Variants in CNDP2 observed in about 807,000 individuals in gnomAD.
The protein encoded by CNDP2 is carnosine dipeptidase 2, also known as cytosolic non-specific dipeptidase.
CNDP2 carries 38 observed loss-of-function variants against 55.0 expected under a neutral mutation model. The observed-to-expected ratio is 0.69, with a 90% CI of 0.53 to 0.90. The LOEUF is 0.90. Among genes scored for constraint, CNDP2 ranks in the 40% least tolerant of loss-of-function variants. The pLI is 0.00. For synonymous variants in CNDP2, 241 were observed against 260.2 expected (o/e 0.93, Z 0.71); for missense variants, 607 against 621.7 (o/e 0.98, Z 0.25).
chr18:74,516,396 T>C lies in CNDP2; in HGVS notation c.1068+4T>C. ...TCCTGAAGTCGTCGGCGAGCAGGCA[T>C]GTGGGGCTGGGACACGGGGTGGGGG... is the stretch of plus-strand genomic sequence containing the variant. On this transcript the variant is annotated splice_donor_region_variant and intron_variant, in intron 9 of 11. Coordinates refer to ENST00000324262, the MANE Select transcript of CNDP2 (RefSeq NM_018235.3). 6.2e-7 allele frequency: 1 copy of C among 1,605,562 alleles called. No individual in the cohort carries two copies. Among genetic ancestry groups the C allele is most frequent in the East Asian group, 2.2e-5 (1 of 44,718 alleles).
At position 74,520,178 on chromosome 18, in the gene CNDP2, A is replaced by T; in HGVS notation, c.*110A>T. The T allele has an allele frequency of 9.9e-7, 1 of 1,005,414 alleles. No homozygotes were observed. The highest frequency in any genetic ancestry group is 1.5e-6 in the Non-Finnish European group (1 of 655,574). 62.3% of individuals were successfully genotyped at this position (1,005,414 alleles called of 1,614,324 possible). A position where few individuals can be genotyped will look rare whatever the true frequency, so the allele number is the denominator to read the frequency against. Reference sequence around the variant, plus strand: ...TTCCCTCTTTCCTTTCCCTCTTGTCAGGTCATCCATGACTTTAGAGAACAG... The same window carrying T: ...TTCCCTCTTTCCTTTCCCTCTTGTCTGGTCATCCATGACTTTAGAGAACAG... On this transcript the variant is annotated 3_prime_UTR_variant, in exon 12 of 12. Coordinates refer to ENST00000324262, the MANE Select transcript of CNDP2 (RefSeq NM_018235.3).
intron 6 of CNDP2, 114 bp downstream of exon 6, chr18:74,511,127 G>A: frequency 2.3e-6 from 2 of 886,882 alleles, no homozygotes; most frequent in Admixed American, 5.4e-5. Flanking sequence ...GAGAAGCACA[G>A]GGCTCACTTA....
At chr18:74,508,598 G>A (rs1979163429) in intron 4 of CNDP2, 22 of 464,198 alleles carry the variant, frequency 4.7e-5, no homozygotes, top group South Asian at 4.6e-4. Flanking sequence ...CCTGACCACC[G>A]TGACCACGGT....
At chr18:74,501,172 C>G in intron 2 of CNDP2, 157 bp from the exon 3 acceptor site, 1 of 1,371,682 alleles carries the variant, frequency 7.3e-7, no homozygotes, top group Non-Finnish European at 9.4e-7. Flanking sequence ...AAATCTTTAA[C>G]CCAAAGCACA....
chr18:74,518,736 C>CATGCCGT (rs1979870430), intron 10 of CNDP2, 96 bp downstream of exon 10: 36 of 1,546,910 alleles, frequency 2.3e-5, no homozygotes, highest in Admixed American at 1.5e-4. Flanking sequence ...ATGTCGGGGG[C>CATGCCGT]GCTGCTGTAT....
chr18:74,506,054 A>G, intron 4 of CNDP2, 43 bp downstream of exon 4: 1 of 1,505,806 alleles, frequency 6.6e-7, no homozygotes. Context: ...AAAGGCACTG[A>G]CTTTTGGAAA....
rs1979998628 is a variant in CNDP2, at chr18:74,520,681, C to G, written c.*613C>G. ...TACAAGAAATTTTTTAAAAATGAGC[C>G]AAGTGTGGTGGTGCATGCCTGTAGT... On this transcript the variant is annotated 3_prime_UTR_variant, in exon 12 of 12. Coordinates refer to ENST00000324262, the MANE Select transcript of CNDP2 (RefSeq NM_018235.3). 1 of 153,120 alleles carries G rather than the reference C, an allele frequency of 6.5e-6. No individual in the cohort carries two copies. The highest frequency in any genetic ancestry group is 1.5e-5 in the Non-Finnish European group (1 of 68,862). The allele number at this position is 153,120 out of a possible 1,614,324, so 9.5% of individuals were successfully genotyped here.
Position 74,501,470 on chromosome 18 carries a change from A to G in CNDP2, c.202A>G (p.Lys68Glu). 1 of 1,613,224 alleles carries G rather than the reference A, an allele frequency of 6.2e-7. No individual in the cohort carries two copies. Among genetic ancestry groups the G allele is most frequent in the Non-Finnish European group, 8.5e-7 (1 of 1,179,544 alleles). ...GGAACTGGTGGATATCGGAAAACAA[A>G]AGGTAGGAGGCAACATTCTTTGCAT... The part of the protein sequence containing the change: ...SVELVDIGKQ[K>E]LPDGSEIPLP... Residue 68 changes from lysine (K) to glutamate (E), a missense_variant and splice_region_variant, in exon 3 of 12, where the codon AAG becomes GAG. Physicochemically the swap from Lys to Glu is moderately conservative, Grantham distance 56 (BLOSUM62 1). Transcript: ENST00000324262.
At chr18:74,509,267 CA>C (rs1979208544) in intron 5 of CNDP2, 1 of 256,926 alleles carries the variant, frequency 3.9e-6, no homozygotes, top group Non-Finnish European at 7.5e-6. Context: ...TCTGTCACAT[CA>C]CACAGGCCCC....
chr18:74,506,536 C>T (rs769966139), intron 4 of CNDP2, among the ~76,000 whole-genome samples: 3 of 152,228 alleles, frequency 2.0e-5, no homozygotes, highest in East Asian at 3.9e-4. Context: ...ATGAGCCCCC[C>T]GTGGCTGGCG....
At position 74,522,236 on chromosome 18, in the gene CNDP2, G is replaced by C. The variant is rs1434528460; in HGVS notation, c.*2168G>C. The C allele has an allele frequency of 1.3e-5, 2 of 152,184 alleles. No individual in the cohort carries two copies. Among genetic ancestry groups the C allele is most frequent in the Non-Finnish European group, 2.9e-5 (2 of 68,026 alleles). 9.4% of individuals were successfully genotyped at this position (152,184 alleles called of 1,614,324 possible). On this transcript the variant is annotated 3_prime_UTR_variant, in exon 12 of 12. Transcript: ENST00000324262. ...AAAGAAGACAAGGGTAGCGGCTTCA[G>C]GTACAGCTGGACCCAGCACTCAGTG...
intron 4 of CNDP2, among the ~76,000 whole-genome samples, chr18:74,506,827 C>T (rs1371961915): frequency 6.6e-6 from 1 of 152,218 alleles, no homozygotes; most frequent in Non-Finnish European, 1.5e-5. Flanking sequence ...CTTCCTGTTC[C>T]TTCTGGTGTA....
rs1381228488 is a variant in CNDP2, at chr18:74,522,059, TGTA to T, written c.*1994_*1996del. On this transcript the variant is annotated 3_prime_UTR_variant, in exon 12 of 12. Coordinates refer to ENST00000324262, the MANE Select transcript of CNDP2 (RefSeq NM_018235.3). Reference sequence around the variant, plus strand: ...AAACGGATGAAATGTGAGGAAAATCTGTAGTTGGTTTTACGTGGATGTTAATCT... The same window carrying T: ...AAACGGATGAAATGTGAGGAAAATCTGTTGGTTTTACGTGGATGTTAATCT... 6.6e-6 allele frequency: 1 copy of T among 152,246 alleles called. No homozygotes were observed. Among genetic ancestry groups the T allele is most frequent in the Non-Finnish European group, 1.5e-5 (1 of 68,050 alleles). The allele number at this position is 152,246 out of a possible 1,614,324, so 9.4% of individuals were successfully genotyped here. A position where few individuals can be genotyped will look rare whatever the true frequency, so the allele number is the denominator to read the frequency against.
chr18:74,513,034 C>G (rs760628026), intron 7 of CNDP2, among the ~76,000 whole-genome samples: 12 of 152,242 alleles, frequency 7.9e-5, no homozygotes, highest in East Asian at 1.9e-4. Context: ...CACAAGCTCT[C>G]CATTCCTCCC....
At chr18:74,516,472 C>A (rs770990664) in intron 9 of CNDP2, 80 bp downstream of exon 9, 5 of 1,376,580 alleles carry the variant, frequency 3.6e-6, no homozygotes, top group Non-Finnish European at 4.8e-6. Context: ...GGCTGTTACT[C>A]GACAGACACC....
At chr18:74,515,496 C>T (rs1265969241) in intron 8 of CNDP2, among the ~76,000 whole-genome samples, 1 of 152,108 alleles carries the variant, frequency 6.6e-6, no homozygotes, top group Non-Finnish European at 1.5e-5. Context: ...CTTGTCTGTT[C>T]CTCCCAGATA....
At position 74,519,412 on chromosome 18, in the gene CNDP2, C is replaced by CGTT. The variant is rs541587195; in HGVS notation, c.1358+318_1358+320dup. Among the ~76,000 whole-genome samples the CGTT allele has an allele frequency of 8.5e-5, 13 of 152,314 alleles. No individual in the cohort carries two copies. The South Asian group carries it at 2.5e-3, about 29-fold the overall frequency. ...TTGCAGTGTCATTGCTAACTGCACACGTTGCTGCTTTGACACATCCCTGAC... is the reference window on the plus strand; with the variant it reads ...TTGCAGTGTCATTGCTAACTGCACACGTTGTTGCTGCTTTGACACATCCCTGAC... On this transcript the variant is annotated intron_variant, in intron 11 of 11. Transcript: ENST00000324262.
intron 8 of CNDP2, among the ~76,000 whole-genome samples, chr18:74,514,567 TGC>T: frequency 7.2e-6 from 1 of 138,856 alleles, no homozygotes. Flanking sequence ...ATGTAAGTTC[TGC>T]AGCCTGTGGG....
chr18:74,509,151 C>G (rs192405282), intron 5 of CNDP2: 76 of 522,498 alleles, frequency 1.5e-4, no homozygotes, highest in African/African-American at 1.3e-3. Context: ...GCTTAAAGGT[C>G]ACAATATTGG....
Sources: gnomAD v4.1 joint callset for allele counts (sites outside exome capture counted in the v4.1 genomes callset) on GRCh38, gnomAD v4.1.1 for gene constraint, MANE v1.5 for transcripts, NCBI Gene and HGNC (gene_info 2026-07-23, HGNC 2026-07-21) for gene names.